Variants in ZFR2 observed in about 807,000 individuals in gnomAD.
ZFR2 encodes zinc finger RNA binding protein 2, also known as zinc finger RNA-binding protein 2.
In ZFR2, 104 loss-of-function variants were observed where a neutral mutation model predicts 105.7. The ratio of observed to expected loss-of-function variants is 0.98; its 90% CI spans 0.84 to 1.16. ZFR2 has a LOEUF of 1.16. Among genes scored for constraint, ZFR2 ranks in the 50% most tolerant of loss-of-function variants. ZFR2 has a pLI of 0.00. For synonymous variants in ZFR2, 634 were observed against 597.7 expected, an observed-to-expected ratio of 1.06 and a Z score of -0.89; for missense variants, 1,425 against 1,355.5, an observed-to-expected ratio of 1.05 and a Z score of -0.80.
intron 1 of ZFR2, among the ~76,000 whole-genome samples, chr19:3,849,303 T>C (rs535194558): frequency 6.6e-6 from 1 of 152,328 alleles, no homozygotes; most frequent in Admixed American, 6.5e-5. Context: ...CGCACACAGC[T>C]TTGTCTCCAC....
chr19:3,861,355 G>A (rs973929558), intron 1 of ZFR2, among the ~76,000 whole-genome samples: 14 of 152,190 alleles, frequency 9.2e-5, no homozygotes, highest in African/African-American at 3.1e-4. Flanking sequence ...AGCAGAGCGC[G>A]GTGGCTCACA....
intron 16 of ZFR2, among the ~76,000 whole-genome samples, chr19:3,809,715 G>A (rs1035619053): frequency 3.3e-5 from 5 of 152,044 alleles, no homozygotes; most frequent in Admixed American, 2.0e-4. Flanking sequence ...AGGCTGAGGC[G>A]GGCAGATCAC....
At chr19:3,861,061 C>G (rs1361080483) in intron 1 of ZFR2, among the ~76,000 whole-genome samples, 2 of 152,188 alleles carry the variant, frequency 1.3e-5, no homozygotes, top group Non-Finnish European at 2.9e-5. Flanking sequence ...TCCCAAGGGG[C>G]AGAGCTCACC....
At chr19:3,866,230 A>T (rs1026568241) in intron 1 of ZFR2, among the ~76,000 whole-genome samples, 1 of 152,254 alleles carries the variant, frequency 6.6e-6, no homozygotes, top group Non-Finnish European at 1.5e-5. Flanking sequence ...AAGTCATTCA[A>T]ATAATGCCTA....
Position 3,806,133 on chromosome 19 carries a change from GCA to G in ZFR2, c.2644-10_2644-9del. On this transcript the variant is annotated splice_polypyrimidine_tract_variant and intron_variant, in intron 18 of 18. Coordinates refer to ENST00000262961, the MANE Select transcript of ZFR2 (RefSeq NM_015174.2). ...CAGCATTCGCAGGGCGTGCTGCGGG[GCA>G]CACACAGCCTGTCAGGACCCCCGCC... The G allele has an allele frequency of 7.0e-7, 1 of 1,429,618 alleles. No homozygotes were observed. 88.6% of individuals were successfully genotyped at this position (1,429,618 alleles called of 1,614,324 possible). A position where few individuals can be genotyped will look rare whatever the true frequency, so the allele number is the denominator to read the frequency against.
At position 3,813,603 on chromosome 19, in the gene ZFR2, C is replaced by G. The variant is rs1038935737; in HGVS notation, c.2242+217G>C. ...AAGGCCCCTGCAGCCAGGCTCTGAG[C>G]CCATCTGATGCTGTCACCGACTCGC... is the stretch of plus-strand genomic sequence containing the variant. On this transcript the variant is annotated intron_variant, in intron 14 of 18. Transcript: ENST00000262961. The surrounding 1 kb of genome is among the most constrained non-coding windows in gnomAD (Gnocchi z 4.4). 2.6e-5 allele frequency among the ~76,000 whole-genome samples: 4 copies of G among 152,192 alleles called. No individual in the cohort carries two copies. The highest frequency in any genetic ancestry group is 1.3e-4 in the Admixed American group (2 of 15,276).
At chr19:3,847,251 G>A (rs766325943) in intron 1 of ZFR2, among the ~76,000 whole-genome samples, 2 of 152,098 alleles carry the variant, frequency 1.3e-5, no homozygotes, top group Non-Finnish European at 2.9e-5. Flanking sequence ...GGGGGCAGGG[G>A]GGTGGCTCAC....
At chr19:3,815,072 G>A (rs554900426) in intron 13 of ZFR2, among the ~76,000 whole-genome samples, 6 of 152,034 alleles carry the variant, frequency 3.9e-5, no homozygotes, top group African/African-American at 1.5e-4. Context: ...CGACTCTGGG[G>A]ACTGATTTTT....
At chr19:3,845,273 A>G (rs545365004) in intron 1 of ZFR2, among the ~76,000 whole-genome samples, 1 of 152,256 alleles carries the variant, frequency 6.6e-6, no homozygotes, top group African/African-American at 2.4e-5. Flanking sequence ...ACTGCACCCT[A>G]GACTGGGCAG....
At chr19:3,847,999 T>A (rs1349360019) in intron 1 of ZFR2, among the ~76,000 whole-genome samples, 3 of 152,168 alleles carry the variant, frequency 2.0e-5, no homozygotes, top group Non-Finnish European at 2.9e-5. Flanking sequence ...TTTTGTACAA[T>A]CTACAGAGCT....
At chr19:3,867,304 T>TTGGG (rs1555762876) in intron 1 of ZFR2, among the ~76,000 whole-genome samples, 12 of 149,652 alleles carry the variant, frequency 8.0e-5, no homozygotes, top group Non-Finnish European at 1.6e-4. Flanking sequence ...GATCAACTGT[T>TTGGG]GGGGGGGGAA....
rs1340238658 is a variant in ZFR2 at position 3,858,685 on chromosome 19, G to A, written c.53+10280C>T. Among the ~76,000 whole-genome samples the A allele has an allele frequency of 1.3e-5, 2 of 152,210 alleles. No individual in the cohort carries two copies. The highest frequency in any genetic ancestry group is 4.8e-5 in the African/African-American group (2 of 41,448). On this transcript the variant is annotated intron_variant, in intron 1 of 18. Transcript: ENST00000262961. This position sits in a 1 kb window ranked among gnomAD's most constrained non-coding sequence, Gnocchi z 4.3. ...ATACAAAAATCAACCGGGCATGGTG[G>A]TGCATGCCTGAAATCCCAGCTACTT...
intron 1 of ZFR2, chr19:3,857,037 C>A (rs1023559037): frequency 1.3e-5 from 2 of 150,708 alleles, no homozygotes; most frequent in African/African-American, 4.9e-5. Flanking sequence ...CCCAGAGTTT[C>A]CAATTTTAAG....
At chr19:3,814,346 G>C (rs1212545859) in intron 13 of ZFR2, among the ~76,000 whole-genome samples, 5 of 152,194 alleles carry the variant, frequency 3.3e-5, no homozygotes, top group Admixed American at 3.3e-4. Flanking sequence ...CCCATAGTCA[G>C]GGAGGAGTAA....
Position 3,819,037 on chromosome 19 carries a change from C to T in ZFR2, c.1931+8G>A, listed in dbSNP as rs1426804807. On this transcript the variant is annotated splice_region_variant and intron_variant, in intron 12 of 18. Transcript: ENST00000262961. ...AGCCGGGCCCTGGGGAAGGGGATCT[C>T]CAATGACCTGCGCTTGTCACCCTCT... is the stretch of plus-strand genomic sequence containing the variant. The T allele has an allele frequency of 2.5e-6, 4 of 1,611,322 alleles. No homozygotes were observed. The South Asian group carries it at 4.4e-5, about 18-fold the overall frequency.
chr19:3,855,911 A>G (rs2038293472), intron 1 of ZFR2, among the ~76,000 whole-genome samples: 1 of 152,200 alleles, frequency 6.6e-6, no homozygotes, highest in Non-Finnish European at 1.5e-5. Flanking sequence ...GATGGATGTC[A>G]CAGGCCATCG....
At chr19:3,810,606 G>A (rs1042768905) in intron 16 of ZFR2, 144 bp downstream of exon 16, 1 of 679,616 alleles carries the variant, frequency 1.5e-6, no homozygotes, top group Non-Finnish European at 2.3e-6. Flanking sequence ...GGGGACCTCA[G>A]GGACTCCCAC....
chr19:3,835,585 G>A (rs554726198), intron 1 of ZFR2, among the ~76,000 whole-genome samples: 4 of 149,430 alleles, frequency 2.7e-5, no homozygotes, highest in Non-Finnish European at 4.5e-5. Context: ...TGGCCGCCTC[G>A]GCCTCCCAAA....
intron 1 of ZFR2, chr19:3,857,025 G>T (rs1384293426): frequency 6.6e-6 from 1 of 150,640 alleles, no homozygotes; most frequent in East Asian, 1.9e-4. Flanking sequence ...ACTGCACCTG[G>T]CCCCAGAGTT....
Sources: gnomAD v4.1 joint callset for allele counts (sites outside exome capture counted in the v4.1 genomes callset) on GRCh38, gnomAD v4.1.1 for gene constraint, Gnocchi (gnomAD v3.1) non-coding constraint, MANE v1.5 for transcripts, NCBI Gene and HGNC (gene_info 2026-07-23, HGNC 2026-07-21) for gene names.